ZNF680: variants seen among roughly 807,000 people sequenced by gnomAD.
ZNF680 encodes zinc finger protein 680.
ZNF680 carries 6 observed loss-of-function variants against 12.1 expected under a neutral mutation model. The observed-to-expected ratio is 0.49, with a 90% CI of 0.27 to 0.98. The LOEUF (loss-of-function observed/expected upper bound fraction) is 0.98. ZNF680 is among the 50% of genes least tolerant of loss of function. The pLI is 0.12. For synonymous variants in ZNF680, 170 were observed against 199.3 expected (o/e 0.85, Z 1.24); for missense variants, 561 against 616.3 (o/e 0.91, Z 0.95).
intron 1 of ZNF680, among the ~76,000 whole-genome samples, chr7:64,559,193 C>T (rs760575252): frequency 6.6e-6 from 1 of 152,116 alleles, no homozygotes; most frequent in Non-Finnish European, 1.5e-5. Context: ...TTTGCATGAC[C>T]CAGTTCCCAG....
At chr7:64,519,241 C>A (rs1434936257), downstream of ZNF680, among the ~76,000 whole-genome samples, 1 of 151,978 alleles carries the variant, frequency 6.6e-6, no homozygotes, top group East Asian at 1.9e-4. Flanking sequence ...TGGAAACTTG[C>A]TCAACATCTC....
chr7:64,535,058 GAAT>G (rs1319755558), intron 3 of ZNF680, among the ~76,000 whole-genome samples: 2 of 151,998 alleles, frequency 1.3e-5, no homozygotes, highest in Admixed American at 6.6e-5. Context: ...AGGGTGTAGT[GAAT>G]ACTGCTTACG....
rs141988349 is a variant in ZNF680 at position 64,562,715 on chromosome 7, G to A, written c.30+210C>T. ...CTCCAGGCCAAGGCACAGTCACTGC[G>A]CAGGGAGGAGACATGACGCCCGGGG... On this transcript the variant is annotated intron_variant, in intron 1 of 3. Coordinates refer to ENST00000309683, the MANE Select transcript of ZNF680 (RefSeq NM_178558.5). Among the ~76,000 whole-genome samples the A allele has an allele frequency of 5.1e-3, 783 of 152,324 alleles. 6 individuals carry two copies. The highest frequency in any genetic ancestry group is 0.018 in the African/African-American group (742 of 41,580).
intron 1 of ZNF680, among the ~76,000 whole-genome samples, chr7:64,552,908 C>G (rs1787159914): frequency 1.3e-5 from 2 of 152,104 alleles, no homozygotes; most frequent in South Asian, 4.1e-4. Flanking sequence ...GGCAGATCAC[C>G]TGAGGTCAGG....
the ZNF680 span, among the ~76,000 whole-genome samples, chr7:64,509,265 T>G: frequency 6.6e-6 from 1 of 152,154 alleles, no homozygotes; most frequent in Non-Finnish European, 1.5e-5. Flanking sequence ...TTGTCAGCCC[T>G]TTGCCCAAAA....
In ZNF680 at chr7:64,543,681, T is replaced by C. The variant is rs774517953; in HGVS notation, c.253+26A>G. 179 of 1,580,102 alleles carry C rather than the reference T, an allele frequency of 1.1e-4. 2 individuals carry two copies. The Admixed American group carries it at 2.7e-3, about 24-fold the overall frequency. On this transcript the variant is annotated intron_variant, in intron 3 of 3. Transcript: ENST00000309683. ...CTGGACCTCTCATCTGTGTCATCTG[T>C]TGTATTCACTATCACTCTCACCTAC...
the ZNF680 span, among the ~76,000 whole-genome samples, chr7:64,504,563 GAGT>G: frequency 2.0e-5 from 3 of 152,200 alleles, no homozygotes; most frequent in African/African-American, 7.2e-5. Context: ...TTGTGAGGCA[GAGT>G]AGGATTCATA....
At chr7:64,512,380 G>GA in the ZNF680 span, among the ~76,000 whole-genome samples, 4 of 150,724 alleles carry the variant, frequency 2.7e-5, no homozygotes, top group East Asian at 7.8e-4. Context: ...TTGAACCCGG[G>GA]AGGCAGAGGT....
At chr7:64,551,126 C>G (rs912725777) in intron 1 of ZNF680, among the ~76,000 whole-genome samples, 9 of 152,076 alleles carry the variant, frequency 5.9e-5, no homozygotes, top group African/African-American at 2.2e-4. Flanking sequence ...CTAAATTCAC[C>G]TGGTAATTGG....
intron 1 of ZNF680, among the ~76,000 whole-genome samples, chr7:64,560,099 A>G (rs1326395287): frequency 6.9e-6 from 1 of 145,298 alleles, no homozygotes; most frequent in Non-Finnish European, 1.5e-5. Flanking sequence ...GTGGAAATGT[A>G]TTCATTTTCT....
At chr7:64,545,056 C>T (rs1307764464) in intron 1 of ZNF680, among the ~76,000 whole-genome samples, 2 of 151,724 alleles carry the variant, frequency 1.3e-5, no homozygotes, top group African/African-American at 4.8e-5. Flanking sequence ...GTCACGAGTT[C>T]GAAATCAGCC....
chr7:64,531,026 G>GT lies in ZNF680; in HGVS notation c.254-8527dup, dbSNP rs550040285. On this transcript the variant is annotated intron_variant, in intron 3 of 3. Coordinates refer to ENST00000309683, the MANE Select transcript of ZNF680 (RefSeq NM_178558.5). ...AGACCTAAAAAATGTGATAAACACAGTAAGAGTGGGGAATTTCAATAGTCC... is the reference window on the plus strand; with the variant it reads ...AGACCTAAAAAATGTGATAAACACAGTTAAGAGTGGGGAATTTCAATAGTCC... 1.9e-4 allele frequency among the ~76,000 whole-genome samples: 29 copies of GT among 152,086 alleles called. 1 individual carries two copies. In the South Asian group the frequency reaches 6.0e-3, roughly 32 times the overall value.
intron 1 of ZNF680, among the ~76,000 whole-genome samples, chr7:64,555,247 T>C (rs945908261): frequency 3.3e-5 from 5 of 151,958 alleles, no homozygotes; most frequent in African/African-American, 1.2e-4. Context: ...TACTCCAAAA[T>C]TGACCACACA....
At chr7:64,524,147 ATTT>A (rs35895081) in intron 3 of ZNF680, among the ~76,000 whole-genome samples, 1 of 139,322 alleles carries the variant, frequency 7.2e-6, no homozygotes. Flanking sequence ...ACAAAGAAGA[ATTT>A]TTTTTTTTTT....
downstream of ZNF680, among the ~76,000 whole-genome samples, chr7:64,515,414 T>C (rs545069148): frequency 6.6e-6 from 1 of 151,898 alleles, no homozygotes; most frequent in African/African-American, 2.4e-5. Context: ...AAAAATCCAA[T>C]GCCTAATCTC....
At chr7:64,561,022 T>G (rs1787704739) in intron 1 of ZNF680, 1 of 152,262 alleles carries the variant, frequency 6.6e-6, no homozygotes, top group Non-Finnish European at 1.5e-5. Flanking sequence ...TTCACTCTTT[T>G]TTCATCATTT....
At chr7:64,519,586 A>G (rs1791429923), downstream of ZNF680, among the ~76,000 whole-genome samples, 1 of 151,810 alleles carries the variant, frequency 6.6e-6, no homozygotes, top group Non-Finnish European at 1.5e-5. Context: ...TGCTGTTTCG[A>G]TGACTAAAGC....
chr7:64,520,186 CATCT>C lies in ZNF680; in HGVS notation c.*971_*974del, dbSNP rs959689109. The C allele has an allele frequency of 6.6e-6, 1 of 151,498 alleles. No individual in the cohort carries two copies. Among genetic ancestry groups the C allele is most frequent in the Non-Finnish European group, 1.5e-5 (1 of 67,636 alleles). 9.4% of individuals were successfully genotyped at this position (151,498 alleles called of 1,614,324 possible). ...CACAGAAAAAACCATAAATAATGCC[CATCT>C]AATAAAAAAGAATCTCTCCTATATC... On this transcript the variant is annotated 3_prime_UTR_variant, in exon 4 of 4. Transcript: ENST00000309683.
At chr7:64,505,119 G>A in the ZNF680 span, among the ~76,000 whole-genome samples, 3 of 152,136 alleles carry the variant, frequency 2.0e-5, no homozygotes, top group Non-Finnish European at 4.4e-5. Flanking sequence ...CATAATGATC[G>A]AGCAAAGCCA....
Sources: allele counts gnomAD v4.1 joint callset (sites outside exome capture counted in the v4.1 genomes callset), GRCh38; gene constraint gnomAD v4.1.1; transcripts MANE v1.5; gene names NCBI Gene and HGNC (gene_info 2026-07-23, HGNC 2026-07-21).